PRIM1: variants seen among roughly 807,000 people sequenced by gnomAD.
PRIM1 encodes the protein DNA primase subunit 1, also known as DNA primase small subunit.
PRIM1 carries 38 observed loss-of-function variants against 60.2 expected under a neutral mutation model. The ratio of observed to expected loss-of-function variants is 0.63; its 90% confidence interval spans 0.49 to 0.83. PRIM1 has a LOEUF of 0.83. Ranked by LOEUF, PRIM1 falls within the 40% of genes least tolerant of loss-of-function variation. The pLI is 0.00. For missense variants in PRIM1, 388 were observed against 506.2 expected (o/e 0.77, Z 2.24); for synonymous variants, 158 against 160.2 (o/e 0.99, Z 0.10).
At chr12:56,732,331 A>G (rs1284054657) in intron 12 of PRIM1, among the ~76,000 whole-genome samples, 1 of 152,154 alleles carries the variant, frequency 6.6e-6, no homozygotes, top group Non-Finnish European at 1.5e-5. Flanking sequence ...CCTGGCTTCT[A>G]TAACATTTTC....
chr12:56,735,852 T>C (rs1953823772), intron 11 of PRIM1, among the ~76,000 whole-genome samples: 1 of 150,904 alleles, frequency 6.6e-6, no homozygotes, highest in African/African-American at 2.4e-5. Context: ...GGTTTCGCCA[T>C]GTTGGCCAGG....
chr12:56,742,126 A>C (rs1367121990), intron 7 of PRIM1: 2 of 373,900 alleles, frequency 5.3e-6, no homozygotes, highest in Admixed American at 8.3e-5. Flanking sequence ...GGTGGTGCAC[A>C]TCTGTAATCC....
rs367789118 is a variant in PRIM1, at chr12:56,739,302, C to G, written c.1044G>C (p.Pro348=). 1.9e-6 allele frequency: 3 copies of G among 1,566,648 alleles called. No individual in the cohort carries two copies. The highest frequency in any genetic ancestry group is 2.7e-5 in the African/African-American group (2 of 74,252). Reference sequence around the variant, plus strand: ...AATGATCTGAAACATACCTTATGGTCGGAACAGTAAATGGATCAAACTGGT... The same window carrying G: ...AATGATCTGAAACATACCTTATGGTGGGAACAGTAAATGGATCAAACTGGT... ...KVDQFDPFTV[P]TISFICRELD... The change falls in exon 10 of 13, where the codon CCG becomes CCC. Residue 348 remains proline, a synonymous_variant. Coordinates refer to ENST00000338193, the MANE Select transcript of PRIM1 (RefSeq NM_000946.3).
intron 5 of PRIM1, among the ~76,000 whole-genome samples, chr12:56,744,964 G>A (rs949191113): frequency 1.3e-5 from 2 of 151,928 alleles, no homozygotes; most frequent in Non-Finnish European, 2.9e-5. Flanking sequence ...AAAATTAGCC[G>A]GGTGTGGTGG....
At position 56,738,461 on chromosome 12, in the gene PRIM1, C is replaced by T; in HGVS notation, c.1117G>A (p.Glu373Lys). Residue 373 changes from glutamate (E) to lysine (K), a missense_variant, in exon 11 of 13, where the codon GAA becomes AAA. Physicochemically the swap from Glu to Lys is moderately conservative, Grantham distance 56. Around this residue, in one of 3 missense-constraint regions of PRIM1, gnomAD observed 211 missense variants for 277.9 expected, o/e 0.76. Coordinates refer to ENST00000338193, the MANE Select transcript of PRIM1 (RefSeq NM_000946.3). ...NEEEKEENEA[E>K]SDVKHRTRDY... ...CTGGTTCTATGTTTGACATCAGATT[C>T]AGCTTCATTCTCCTCTTTTTCCTCT... 1 of 1,585,508 alleles carries T rather than the reference C, an allele frequency of 6.3e-7. No individual in the cohort carries two copies. The highest frequency in any genetic ancestry group is 8.6e-7 in the Non-Finnish European group (1 of 1,164,268).
At chr12:56,735,952 G>A (rs1239132277) in intron 11 of PRIM1, among the ~76,000 whole-genome samples, 1 of 151,968 alleles carries the variant, frequency 6.6e-6, no homozygotes, top group Admixed American at 6.6e-5. Context: ...CGCCTGGCCT[G>A]CATTAAGTAT....
At chr12:56,733,270 G>A (rs1444291804) in intron 12 of PRIM1, among the ~76,000 whole-genome samples, 4 of 150,474 alleles carry the variant, frequency 2.7e-5, no homozygotes, top group African/African-American at 7.4e-5. Context: ...TGATTCTCCT[G>A]CCTCAGCCTC....
chr12:56,739,447 T>G, intron 9 of PRIM1, 84 bp from the exon 10 acceptor site: 1 of 940,084 alleles, frequency 1.1e-6, no homozygotes, highest in Non-Finnish European at 1.5e-6. Flanking sequence ...TTGGTTAAAA[T>G]TTTTATTTAA....
chr12:56,750,106 C>G (rs1953935786), intron 2 of PRIM1, among the ~76,000 whole-genome samples: 1 of 151,982 alleles, frequency 6.6e-6, no homozygotes. Flanking sequence ...GTCAGTGTGG[C>G]AGGAATGAAT....
In PRIM1 at chr12:56,731,592, G is replaced by A. The variant is rs1953785445; in HGVS notation, c.*123C>T. On this transcript the variant is annotated 3_prime_UTR_variant, in exon 13 of 13. Coordinates refer to ENST00000338193, the MANE Select transcript of PRIM1 (RefSeq NM_000946.3). ...TTTTCAACATAAATTATTTCTCAAG[G>A]AAAATTTACTTTGAGGTTTAAGACA... 9.2e-6 allele frequency: 9 copies of A among 981,474 alleles called. No homozygotes were observed. Among genetic ancestry groups the A allele is most frequent in the Middle Eastern group, 6.2e-4 (2 of 3,212 alleles). The allele number at this position is 981,474 out of a possible 1,614,324, so 60.8% of individuals were successfully genotyped here. A position where few individuals can be genotyped will look rare whatever the true frequency, so the allele number is the denominator to read the frequency against.
intron 8 of PRIM1, 46 bp downstream of exon 8, chr12:56,741,700 A>C: frequency 6.3e-7 from 1 of 1,587,550 alleles, no homozygotes; most frequent in Non-Finnish European, 8.6e-7. Flanking sequence ...AATTTAATTA[A>C]GAATTGCATT....
At chr12:56,743,675 CT>C in intron 6 of PRIM1, 1 of 165,868 alleles carries the variant, frequency 6.0e-6, no homozygotes, top group Non-Finnish European at 1.3e-5. Flanking sequence ...TAATATAAGG[CT>C]TTTTCCACTA....
Position 56,747,062 on chromosome 12 carries a change from A to G in PRIM1, c.262-30T>C, listed in dbSNP as rs752900632. The G allele has an allele frequency of 4.5e-6, 7 of 1,541,656 alleles. No homozygotes were observed. The Admixed American group carries it at 7.1e-5, about 16-fold the overall frequency. On this transcript the variant is annotated intron_variant, in intron 2 of 12. Transcript: ENST00000338193. ...AGATACAAAATATTGATCAGTTTCTATAAGAGCTGCCACACTGCTAAATCT... is the reference window on the plus strand; with the variant it reads ...AGATACAAAATATTGATCAGTTTCTGTAAGAGCTGCCACACTGCTAAATCT...
At chr12:56,732,257 T>C (rs1412373724) in intron 12 of PRIM1, among the ~76,000 whole-genome samples, 1 of 152,328 alleles carries the variant, frequency 6.6e-6, no homozygotes, top group East Asian at 1.9e-4. Flanking sequence ...AGTTATTATA[T>C]GCAGCAGGAT....
chr12:56,735,938 A>G (rs1953824963), intron 11 of PRIM1, among the ~76,000 whole-genome samples: 1 of 152,058 alleles, frequency 6.6e-6, no homozygotes, highest in Non-Finnish European at 1.5e-5. Flanking sequence ...GGCATCAGCC[A>G]CTACGCCTGG....
chr12:56,743,043 T>C lies in PRIM1; in HGVS notation c.692A>G (p.Gln231Arg). 1 of 1,540,646 alleles carries C rather than the reference T, an allele frequency of 6.5e-7. No individual in the cohort carries two copies. Residue 231 changes from glutamine (Q) to arginine (R), a missense_variant, in exon 7 of 13, where the codon CAA (glutamine) becomes CGA (arginine). This residue lies in a region of PRIM1 where 211 missense variants were observed against 277.9 expected (regional missense o/e 0.76). Coordinates refer to ENST00000338193, the MANE Select transcript of PRIM1 (RefSeq NM_000946.3). ...GCTTTCTTTATTTTCGAGAATATCT[T>C]GATTAACCAAGGCATATTCTTCAAA... ...KYFEEYALVN[Q>R]DILENKESWD...
At chr12:56,738,382 T>G in intron 11 of PRIM1, 52 bp downstream of exon 11, 2 of 1,520,686 alleles carry the variant, frequency 1.3e-6, no homozygotes, top group Non-Finnish European at 1.8e-6. Context: ...GACAGATGGA[T>G]ATCTATATAA....
intron 7 of PRIM1, 39 bp from the exon 8 acceptor site, chr12:56,741,876 T>C: frequency 6.4e-7 from 1 of 1,551,064 alleles, no homozygotes; most frequent in Middle Eastern, 1.7e-4. Context: ...TTAGGGAACA[T>C]CAATGAACAA....
intron 5 of PRIM1, among the ~76,000 whole-genome samples, chr12:56,744,676 A>G (rs1250733740): frequency 1.3e-5 from 2 of 152,194 alleles, no homozygotes; most frequent in African/African-American, 4.8e-5. Flanking sequence ...GTTATACCAT[A>G]TAGCCTAGAT....
Sources: gnomAD v4.1 joint callset for allele counts (sites outside exome capture counted in the v4.1 genomes callset) on GRCh38, gnomAD v4.1.1 for gene constraint, gnomAD v4.1.1 regional missense constraint, MANE v1.5 for transcripts, NCBI Gene and HGNC (gene_info 2026-07-23, HGNC 2026-07-21) for gene names.